The following HHLA2 variants were observed in gnomAD, a reference collection of about 807,000 sequenced individuals.
The protein encoded by HHLA2 is HHLA2 member of B7 family, also known as HERV-H LTR-associating protein 2.
Under a neutral mutation model 45.9 loss-of-function variants are expected in HHLA2, and 48 were observed. The ratio of observed to expected loss-of-function variants is 1.05; its 90% CI spans 0.83 to 1.33. HHLA2 has a LOEUF of 1.33. Among genes scored for constraint, HHLA2 ranks in the 40% most tolerant of loss-of-function variants. The probability of loss-of-function intolerance (pLI) is 0.00; values close to 1 mark genes in which losing one functional copy is unlikely to be tolerated. For synonymous variants in HHLA2, 161 were observed against 173.9 expected (o/e 0.93, Z 0.59); for missense variants, 462 against 494.3 (o/e 0.93, Z 0.62).
chr3:108,327,487 G>A (rs1029054905), intron 2 of HHLA2, among the ~76,000 whole-genome samples: 7 of 151,924 alleles, frequency 4.6e-5, no homozygotes, highest in African/African-American at 1.7e-4. Context: ...TCTTTCTAAT[G>A]TTCCATCCTT....
At chr3:108,326,047 G>T in intron 2 of HHLA2, 1 of 300,146 alleles carries the variant, frequency 3.3e-6, no homozygotes, top group East Asian at 9.3e-5. Context: ...AGTCAGTCAT[G>T]ATTTCAGTCA....
intron 3 of HHLA2, among the ~76,000 whole-genome samples, chr3:108,342,255 C>T (rs9881009): frequency 0.7 from 94,885 of 136,474 alleles, 32,876 homozygotes; most frequent in African/African-American, 0.77. Context: ...TTTCTTCTTT[C>T]TCTCTTTTTT....
In HHLA2 at chr3:108,355,044, A is replaced by G. The variant is rs943999641; in HGVS notation, c.419-71A>G. The G allele has an allele frequency of 7.6e-6, 11 of 1,456,362 alleles. No individual in the cohort carries two copies. In the Admixed American group the frequency reaches 1.2e-4, roughly 16 times the overall value. 90.2% of individuals were successfully genotyped at this position (1,456,362 alleles called of 1,614,324 possible). A position where few individuals can be genotyped will look rare whatever the true frequency, so the allele number is the denominator to read the frequency against. On this transcript the variant is annotated intron_variant, in intron 5 of 10. Transcript: ENST00000619531. ...TTTCATTTCATGGATATTAAAAAGTATTCTGCACAGACGGCCTATAAAGAA... is the reference window on the plus strand; with the variant it reads ...TTTCATTTCATGGATATTAAAAAGTGTTCTGCACAGACGGCCTATAAAGAA...
At position 108,364,496 on chromosome 3, in the gene HHLA2, T is replaced by G. The variant is rs535692309; in HGVS notation, c.1108+2050T>G. Among the ~76,000 whole-genome samples, 10 of 152,334 alleles carry G rather than the reference T, an allele frequency of 6.6e-5. No homozygotes were observed. The East Asian group carries it at 1.7e-3, about 26-fold the overall frequency. Reference sequence around the variant, plus strand: ...CATAGTAGAATGATTTATAATTTTTTGGGTATATACCCAGTAATGGGATTG... The same window carrying G: ...CATAGTAGAATGATTTATAATTTTTGGGGTATATACCCAGTAATGGGATTG... On this transcript the variant is annotated intron_variant, in intron 8 of 10. Transcript: ENST00000619531.
At chr3:108,316,299 G>A (rs975937159) in intron 2 of HHLA2, among the ~76,000 whole-genome samples, 1 of 152,162 alleles carries the variant, frequency 6.6e-6, no homozygotes, top group Non-Finnish European at 1.5e-5. Flanking sequence ...CCAGATACTG[G>A]GTCAGGTGCC....
chr3:108,300,426 C>T (rs184644061), intron 1 of HHLA2, among the ~76,000 whole-genome samples: 1 of 152,172 alleles, frequency 6.6e-6, no homozygotes, highest in East Asian at 1.9e-4. Flanking sequence ...TGCTCTTAGA[C>T]GAAACCAGTT....
intron 1 of HHLA2, among the ~76,000 whole-genome samples, chr3:108,298,497 G>A (rs2080799174): frequency 6.6e-6 from 1 of 152,110 alleles, no homozygotes; most frequent in Admixed American, 6.6e-5. Context: ...TATATTTGCA[G>A]GCCCCTTTTA....
chr3:108,348,643 A>C (rs755050345), intron 3 of HHLA2, among the ~76,000 whole-genome samples: 28 of 108,258 alleles, frequency 2.6e-4, no homozygotes, highest in Middle Eastern at 5.2e-3. Context: ...TGCAGGGACA[A>C]ATTTCTTTTT....
chr3:108,374,008 C>T (rs1305981197), intron 8 of HHLA2, among the ~76,000 whole-genome samples: 5 of 150,808 alleles, frequency 3.3e-5, no homozygotes, highest in Admixed American at 1.3e-4. Flanking sequence ...CAAAAAAGAG[C>T]CCGCATTGCC....
intron 2 of HHLA2, among the ~76,000 whole-genome samples, chr3:108,328,026 G>T (rs1246317347): frequency 6.6e-6 from 1 of 152,088 alleles, no homozygotes; most frequent in African/African-American, 2.4e-5. Flanking sequence ...CCAGCTACTT[G>T]GGAGGCTGAG....
At chr3:108,296,968 A>G (rs571301879) in intron 1 of HHLA2, among the ~76,000 whole-genome samples, 14 of 152,234 alleles carry the variant, frequency 9.2e-5, no homozygotes, top group Non-Finnish European at 2.1e-4. Context: ...TCATCTAGTT[A>G]CACTACAGAG....
intron 5 of HHLA2, 81 bp downstream of exon 4, chr3:108,353,861 A>C: frequency 1.0e-6 from 1 of 970,224 alleles, no homozygotes; most frequent in East Asian, 2.5e-5. Context: ...CTAATATGCC[A>C]TGAGCTTCCT....
chr3:108,327,337 T>C (rs765830292), intron 2 of HHLA2, among the ~76,000 whole-genome samples: 1 of 152,210 alleles, frequency 6.6e-6, no homozygotes, highest in Non-Finnish European at 1.5e-5. Flanking sequence ...TTTATAGGGC[T>C]TCTTGAATCT....
Position 108,375,749 on chromosome 3 carries a change from G to A in HHLA2, c.1109-1G>A. On this transcript the variant is annotated splice_acceptor_variant, in intron 8 of 10. Coordinates refer to ENST00000619531, the Ensembl canonical transcript of HHLA2. LOFTEE classifies it high-confidence loss of function. ...CACTCTTCCCTGTCTCTGATCTACA[G>A]CCCAGCTAGAAGCCAGGAGGAGCAG... 6.2e-7 allele frequency: 1 copy of A among 1,610,580 alleles called. No homozygotes were observed. The highest frequency in any genetic ancestry group is 8.5e-7 in the Non-Finnish European group (1 of 1,177,766).
chr3:108,329,400 T>A (rs1172746368), intron 3 of HHLA2, among the ~76,000 whole-genome samples: 4 of 152,108 alleles, frequency 2.6e-5, no homozygotes, highest in African/African-American at 9.7e-5. Flanking sequence ...GAAATCAGAT[T>A]GAAGCCTAAT....
intron 1 of HHLA2, among the ~76,000 whole-genome samples, chr3:108,310,176 C>T (rs930572600): frequency 6.6e-6 from 1 of 151,884 alleles, no homozygotes; most frequent in African/African-American, 2.4e-5. Flanking sequence ...TTATATTTAT[C>T]TAGATCAGAG....
chr3:108,331,742 A>T (rs2081390008), intron 3 of HHLA2, among the ~76,000 whole-genome samples: 1 of 152,186 alleles, frequency 6.6e-6, no homozygotes. Context: ...TGAAGATCTA[A>T]TCAAAGATTG....
At chr3:108,313,504 T>C (rs72622304) in intron 2 of HHLA2, among the ~76,000 whole-genome samples, 16,067 of 152,148 alleles carry the variant, frequency 0.11, 1,621 homozygotes, top group East Asian at 0.53. Context: ...CTTTCTGGGT[T>C]GTGTGTGCAT....
intron 2 of HHLA2, among the ~76,000 whole-genome samples, chr3:108,321,091 T>TAAAA (rs67374827): frequency 0.055 from 5,623 of 101,318 alleles, 453 homozygotes; most frequent in East Asian, 0.19. Context: ...TCCAGGTGTT[T>TAAAA]AAAAAAAAAA....
Sources: gnomAD v4.1 joint callset for allele counts (sites outside exome capture counted in the v4.1 genomes callset) on GRCh38, gnomAD v4.1.1 for gene constraint, MANE v1.5 for transcripts, NCBI Gene and HGNC (gene_info 2026-07-23, HGNC 2026-07-21) for gene names.